Variants in ZNF660 observed in about 807,000 individuals in gnomAD.
The protein encoded by ZNF660 is zinc finger protein 660.
In ZNF660, 24 loss-of-function variants were observed where a neutral mutation model predicts 23.2. That is an observed-to-expected ratio of 1.04 (90% CI 0.75 to 1.46). ZNF660 has a LOEUF of 1.46. Among genes scored for constraint, ZNF660 ranks in the 40% most tolerant of loss-of-function variants. The pLI, the probability that ZNF660 is intolerant of heterozygous loss-of-function variation, is 0.00. For missense variants in ZNF660, 373 were observed against 396.8 expected, an observed-to-expected ratio of 0.94 and a Z score of 0.51; for synonymous variants, 117 against 131.4, an observed-to-expected ratio of 0.89 and a Z score of 0.75.
Position 44,596,064 on chromosome 3 carries a change from A to T in ZNF660, c.*875A>T, listed in dbSNP as rs1015406717. 1.8e-5 allele frequency: 3 copies of T among 166,852 alleles called. No homozygotes were observed. Among genetic ancestry groups the T allele is most frequent in the African/African-American group, 7.2e-5 (3 of 41,470 alleles). 10.3% of individuals were successfully genotyped at this position (166,852 alleles called of 1,614,324 possible). A position where few individuals can be genotyped will look rare whatever the true frequency, so the allele number is the denominator to read the frequency against. On this transcript the variant is annotated 3_prime_UTR_variant, in exon 3 of 3. Coordinates refer to ENST00000322734, the MANE Select transcript of ZNF660 (RefSeq NM_173658.4). ...CTTTTCAACATATGTCTACACAACC[A>T]GAAAAAAATGAAATTGAAACAACTG...
Position 44,598,948 on chromosome 3 carries a change from A to G in ZNF660, c.*3759A>G, listed in dbSNP as rs1182975747. ...CAGGAGTTCACTGTTACAGTGAGCT[A>G]TGATCACAATTCTGCACTGCAGCCT... On this transcript the variant is annotated 3_prime_UTR_variant, in exon 3 of 3. Coordinates refer to ENST00000322734, the MANE Select transcript of ZNF660 (RefSeq NM_173658.4). The G allele has an allele frequency of 6.6e-6, 1 of 152,230 alleles. No homozygotes were observed. The highest frequency in any genetic ancestry group is 1.5e-5 in the Non-Finnish European group (1 of 68,100). 9.4% of individuals were successfully genotyped at this position (152,230 alleles called of 1,614,324 possible). A position where few individuals can be genotyped will look rare whatever the true frequency, so the allele number is the denominator to read the frequency against.
At position 44,594,060 on chromosome 3, in the gene ZNF660, C is replaced by T. The variant is rs201219842; in HGVS notation, c.-134C>T. On this transcript the variant is annotated 5_prime_UTR_variant, in exon 3 of 3. Transcript: ENST00000322734. ...AGGAGTTAATTCCAAAGCATCATTCCTGAAAAATCAGAATCATACATACTT... is the reference window on the plus strand; with the variant it reads ...AGGAGTTAATTCCAAAGCATCATTCTTGAAAAATCAGAATCATACATACTT... 3.1e-4 allele frequency: 356 copies of T among 1,140,778 alleles called. No individual in the cohort carries two copies. The highest frequency in any genetic ancestry group is 1.7e-4 in the Non-Finnish European group (133 of 770,016). The allele number at this position is 1,140,778 out of a possible 1,614,324, so 70.7% of individuals were successfully genotyped here.
In ZNF660 at chr3:44,596,201, A is replaced by C. The variant is rs949638420; in HGVS notation, c.*1012A>C. The C allele has an allele frequency of 1.3e-5, 2 of 154,276 alleles. No homozygotes were observed. Among genetic ancestry groups the C allele is most frequent in the African/African-American group, 4.8e-5 (2 of 41,454 alleles). The allele number at this position is 154,276 out of a possible 1,614,324, so 9.6% of individuals were successfully genotyped here. A position where few individuals can be genotyped will look rare whatever the true frequency, so the allele number is the denominator to read the frequency against. On this transcript the variant is annotated 3_prime_UTR_variant, in exon 3 of 3. Coordinates refer to ENST00000322734, the MANE Select transcript of ZNF660 (RefSeq NM_173658.4). ...CTAAAAGTACAAACTTTGGGGTTGG[A>C]GATATCCATGTTCTAACCCCAGTTC...
chr3:44,585,191 A>G (rs1700186904), intron 1 of ZNF660, among the ~76,000 whole-genome samples, 184 bp downstream of exon 1: 1 of 152,110 alleles, frequency 6.6e-6, no homozygotes, highest in African/African-American at 2.4e-5. Context: ...TCTTGGGTCC[A>G]GTCTCTGACT....
intron 2 of ZNF660, among the ~76,000 whole-genome samples, chr3:44,593,315 G>A (rs890509029): frequency 1.3e-5 from 2 of 152,134 alleles, no homozygotes; most frequent in Non-Finnish European, 2.9e-5. Flanking sequence ...CTAGTACTAG[G>A]GGAATAGGTT....
chr3:44,589,667 T>C (rs537544987), intron 2 of ZNF660, among the ~76,000 whole-genome samples: 21 of 152,196 alleles, frequency 1.4e-4, no homozygotes, highest in Admixed American at 5.2e-4. Flanking sequence ...AGAAAGAAAA[T>C]TAAGGATAGA....
rs1209702457 is a variant in ZNF660 at position 44,594,394 on chromosome 3, A to G, written c.201A>G (p.Val67=). The G allele has an allele frequency of 6.2e-7, 1 of 1,614,150 alleles. No homozygotes were observed. Among genetic ancestry groups the G allele is most frequent in the Non-Finnish European group, 8.5e-7 (1 of 1,180,022 alleles). ...TTAGTCAGAGTGCAAACCTCACAGTACATGAGCGAATCCACACGGGAGAGA... is the reference window on the plus strand; with the variant it reads ...TTAGTCAGAGTGCAAACCTCACAGTGCATGAGCGAATCCACACGGGAGAGA... ...KAFSQSANLT[V]HERIHTGEKP... is the part of the protein sequence containing the mutation. The change falls in exon 3 of 3, where the codon GTA becomes GTG. Residue 67 remains valine (V), a synonymous_variant. Coordinates refer to ENST00000322734, the MANE Select transcript of ZNF660 (RefSeq NM_173658.4).
rs1700630624 is a variant in ZNF660 at position 44,597,017 on chromosome 3, T to C, written c.*1828T>C. 1 of 152,232 alleles carries C rather than the reference T, an allele frequency of 6.6e-6. No individual in the cohort carries two copies. 9.4% of individuals were successfully genotyped at this position (152,232 alleles called of 1,614,324 possible). ...CAGTGAATCCCTAAGCCCACTGTTA[T>C]CTGTCTTATGCACATAGTGAATTAG... On this transcript the variant is annotated 3_prime_UTR_variant, in exon 3 of 3. Transcript: ENST00000322734. The surrounding 1 kb of genome is among the most constrained non-coding windows in gnomAD (Gnocchi z 4.1).
chr3:44,585,236 G>T (rs1052860643), intron 1 of ZNF660, among the ~76,000 whole-genome samples: 1 of 152,178 alleles, frequency 6.6e-6, no homozygotes, highest in Admixed American at 6.5e-5. Flanking sequence ...GGCTGGCCGT[G>T]GTGACAGCAC....
intron 2 of ZNF660, among the ~76,000 whole-genome samples, chr3:44,587,664 C>A (rs1292445661): frequency 6.6e-6 from 1 of 152,238 alleles, no homozygotes; most frequent in Non-Finnish European, 1.5e-5. Flanking sequence ...CTCCTCAGCT[C>A]CTCCATCACC....
At chr3:44,589,689 T>A (rs1700350890) in intron 2 of ZNF660, among the ~76,000 whole-genome samples, 1 of 152,254 alleles carries the variant, frequency 6.6e-6, no homozygotes, top group Admixed American at 6.5e-5. Flanking sequence ...TTCACTCTTC[T>A]GTTTAGAACT....
chr3:44,590,754 A>G (rs770350969), intron 2 of ZNF660, among the ~76,000 whole-genome samples: 10 of 152,180 alleles, frequency 6.6e-5, no homozygotes, highest in Non-Finnish European at 1.3e-4. Context: ...AAAACTATCA[A>G]CTTTCTCACA....
Position 44,597,352 on chromosome 3 carries a change from A to G in ZNF660, c.*2163A>G, listed in dbSNP as rs899146526. ...GGAAGATGTTATCAGTGTTCTGTGA[A>G]TGGGGTTTATGGCCTATCTCTGTAC... is the stretch of plus-strand genomic sequence containing the variant. On this transcript the variant is annotated 3_prime_UTR_variant, in exon 3 of 3. Coordinates refer to ENST00000322734, the MANE Select transcript of ZNF660 (RefSeq NM_173658.4). The surrounding 1 kb of genome is among the most constrained non-coding windows in gnomAD (Gnocchi z 4.1). 3.3e-5 allele frequency: 5 copies of G among 152,136 alleles called. No homozygotes were observed. Among genetic ancestry groups the G allele is most frequent in the African/African-American group, 1.2e-4 (5 of 41,426 alleles). The allele number at this position is 152,136 out of a possible 1,614,324, so 9.4% of individuals were successfully genotyped here.
At position 44,594,658 on chromosome 3, in the gene ZNF660, T is replaced by C. The variant is rs141679779; in HGVS notation, c.465T>C (p.Val155=). The C allele has an allele frequency of 3.8e-5, 62 of 1,613,614 alleles. No homozygotes were observed. The highest frequency in any genetic ancestry group is 5.0e-5 in the Non-Finnish European group (59 of 1,179,928). Reference sequence around the variant, plus strand: ...CGGGCCTTATATCACATCACAGAGTTCACACCGGAGAGAAGCCCTATTCTT... The same window carrying C: ...CGGGCCTTATATCACATCACAGAGTCCACACCGGAGAGAAGCCCTATTCTT... ...RSSGLISHHR[V]HTGEKPYSCI... The change falls in exon 3 of 3, where the codon GTT becomes GTC. Residue 155 remains valine, a synonymous_variant. Coordinates refer to ENST00000322734, the MANE Select transcript of ZNF660 (RefSeq NM_173658.4).
chr3:44,595,207 T>A lies in ZNF660; in HGVS notation c.*18T>A, dbSNP rs1380357848. The stretch of plus-strand genomic sequence containing the variant: ...CCTCATAAATAACAAATATTGTGGG[T>A]AGTAGGGCTGACTGCTGCTTTTCTA... On this transcript the variant is annotated 3_prime_UTR_variant, in exon 3 of 3. Transcript: ENST00000322734. 2.0e-6 allele frequency: 3 copies of A among 1,531,458 alleles called. No individual in the cohort carries two copies. Among genetic ancestry groups the A allele is most frequent in the Non-Finnish European group, 2.6e-6 (3 of 1,142,410 alleles). 94.9% of individuals were successfully genotyped at this position (1,531,458 alleles called of 1,614,324 possible).
chr3:44,590,290 G>T (rs1700372025), intron 2 of ZNF660, among the ~76,000 whole-genome samples: 1 of 152,144 alleles, frequency 6.6e-6, no homozygotes, highest in South Asian at 2.1e-4. Context: ...CAGCCTAGAA[G>T]TGTGAGATCC....
chr3:44,588,500 C>G (rs923295909), intron 2 of ZNF660, among the ~76,000 whole-genome samples: 1 of 151,966 alleles, frequency 6.6e-6, no homozygotes, highest in African/African-American at 2.4e-5. Flanking sequence ...GTAAGCTTAT[C>G]TGTTTTTTTA....
intron 2 of ZNF660, among the ~76,000 whole-genome samples, chr3:44,589,232 T>C (rs570215480): frequency 6.6e-6 from 1 of 152,342 alleles, no homozygotes; most frequent in Middle Eastern, 3.4e-3. Flanking sequence ...TGGGCTAATC[T>C]TCCTAAAGAG....
In ZNF660 at chr3:44,595,621, G is replaced by A. The variant is rs1700583852; in HGVS notation, c.*432G>A. The A allele has an allele frequency of 5.9e-6, 1 of 169,386 alleles. No homozygotes were observed. Among genetic ancestry groups the A allele is most frequent in the African/African-American group, 2.4e-5 (1 of 41,466 alleles). The allele number at this position is 169,386 out of a possible 1,614,324, so 10.5% of individuals were successfully genotyped here. ...TTATAGGTGATTTCTATTTTCTTCT[G>A]TATACTTTTCTATGCTTTCTAGATT... is the stretch of plus-strand genomic sequence containing the variant. On this transcript the variant is annotated 3_prime_UTR_variant, in exon 3 of 3. Transcript: ENST00000322734.
Sources: allele counts gnomAD v4.1 joint callset (sites outside exome capture counted in the v4.1 genomes callset), GRCh38; gene constraint gnomAD v4.1.1; non-coding constraint Gnocchi (gnomAD v3.1); transcripts MANE v1.5; gene names NCBI Gene and HGNC (gene_info 2026-07-23, HGNC 2026-07-21).